The following CNTNAP5 variants were observed in gnomAD, a reference collection of about 807,000 sequenced individuals.
CNTNAP5 encodes the protein contactin associated protein family member 5.
Under a neutral mutation model 150.2 loss-of-function variants are expected in CNTNAP5, and 72 were observed. The observed-to-expected ratio is 0.48, with a 90% CI of 0.40 to 0.58. The LOEUF (loss-of-function observed/expected upper bound fraction) is 0.58. Ranked by LOEUF, CNTNAP5 falls within the 20% of genes least tolerant of loss-of-function variation. CNTNAP5 has a pLI of 0.00. For missense variants in CNTNAP5, 1,636 were observed against 1,626.2 expected, an observed-to-expected ratio of 1.01 and a Z score of -0.10; for synonymous variants, 672 against 619.8, an observed-to-expected ratio of 1.08 and a Z score of -1.25.
At chr2:124,431,451 A>G (rs1296725317) in intron 4 of CNTNAP5, among the ~76,000 whole-genome samples, 1 of 150,502 alleles carries the variant, frequency 6.6e-6, no homozygotes, top group Non-Finnish European at 1.5e-5. Flanking sequence ...AACATAATGA[A>G]TATTTATATT....
chr2:124,425,644 CATTTCATTAT>C (rs374717275), intron 4 of CNTNAP5, among the ~76,000 whole-genome samples: 28,518 of 152,024 alleles, frequency 0.19, 2,980 homozygotes, highest in East Asian at 0.5. Flanking sequence ...AGTTCTATTC[CATTTCATTAT>C]TTATAGCTCC....
chr2:124,747,532 T>G (rs928280687), intron 14 of CNTNAP5, 147 bp downstream of exon 14: 19 of 889,376 alleles, frequency 2.1e-5, no homozygotes, highest in Non-Finnish European at 3.4e-5. Context: ...ACCTTAAAAA[T>G]GGTAAATTCT....
chr2:124,317,050 T>G (rs961184149), intron 3 of CNTNAP5, among the ~76,000 whole-genome samples: 1 of 152,076 alleles, frequency 6.6e-6, no homozygotes, highest in Non-Finnish European at 1.5e-5. Context: ...GTGGGTGCTA[T>G]GCAGCAACAT....
intron 12 of CNTNAP5, among the ~76,000 whole-genome samples, chr2:124,629,229 C>T (rs943804504): frequency 3.0e-4 from 46 of 152,276 alleles, no homozygotes; most frequent in African/African-American, 1.1e-3. Context: ...ATCTACAGAA[C>T]TCTCTACCCC....
intron 3 of CNTNAP5, among the ~76,000 whole-genome samples, chr2:124,331,494 T>C (rs1005304402): frequency 2.0e-5 from 3 of 152,024 alleles, no homozygotes; most frequent in Non-Finnish European, 1.5e-5. Context: ...AATTGGTTTG[T>C]TATCTCTGTT....
intron 19 of CNTNAP5, among the ~76,000 whole-genome samples, chr2:124,838,090 A>G (rs557384683): frequency 2.0e-5 from 3 of 152,154 alleles, no homozygotes; most frequent in African/African-American, 7.2e-5. Flanking sequence ...TCTTTGTAGA[A>G]TGTCTGCAAA....
intron 8 of CNTNAP5, among the ~76,000 whole-genome samples, chr2:124,510,518 T>TATATATATAC (rs10641959): frequency 8.0e-6 from 1 of 124,916 alleles, no homozygotes; most frequent in Non-Finnish European, 1.6e-5. Flanking sequence ...TATATATATA[T>TATATATATAC]ACATATATCT....
chr2:124,706,754 A>G (rs867682275), intron 13 of CNTNAP5, among the ~76,000 whole-genome samples: 68 of 23,522 alleles, frequency 2.9e-3, no homozygotes, highest in African/African-American at 0.012. Context: ...TTCAAGAAGA[A>G]GAAGAAGAAG....
chr2:124,356,554 G>A (rs555373383), intron 3 of CNTNAP5, among the ~76,000 whole-genome samples: 16 of 149,076 alleles, frequency 1.1e-4, no homozygotes, highest in East Asian at 6.0e-4. Flanking sequence ...GAGAATATGC[G>A]GTGTTTGGTT....
At chr2:124,086,824 A>G (rs1376067909) in intron 1 of CNTNAP5, among the ~76,000 whole-genome samples, 1 of 151,550 alleles carries the variant, frequency 6.6e-6, no homozygotes, top group Non-Finnish European at 1.5e-5. Context: ...ATTTTAATAT[A>G]TTAGAATTTA....
chr2:124,244,500 G>A (rs1573863085), intron 3 of CNTNAP5, among the ~76,000 whole-genome samples: 1 of 152,222 alleles, frequency 6.6e-6, no homozygotes, highest in Admixed American at 6.5e-5. Context: ...AGAAGGAAAG[G>A]CAGGGCCCTC....
intron 3 of CNTNAP5, among the ~76,000 whole-genome samples, chr2:124,410,790 A>C (rs1357941393): frequency 0.013 from 1,980 of 150,838 alleles, 36 homozygotes; most frequent in African/African-American, 0.045. Flanking sequence ...AAGATCCAAA[A>C]TTGACACCCT....
At chr2:124,598,838 G>A (rs1287566011) in intron 11 of CNTNAP5, among the ~76,000 whole-genome samples, 2 of 152,150 alleles carry the variant, frequency 1.3e-5, no homozygotes, top group African/African-American at 4.8e-5. Context: ...GTGGGATATA[G>A]TCTTGTGGTG....
chr2:124,325,250 C>G (rs528925941), intron 3 of CNTNAP5, among the ~76,000 whole-genome samples: 2 of 152,276 alleles, frequency 1.3e-5, no homozygotes, highest in South Asian at 4.1e-4. Flanking sequence ...CACTAGATAT[C>G]AAACCTGCTG....
At chr2:124,215,730 AAAAG>A (rs1213513955) in intron 1 of CNTNAP5, among the ~76,000 whole-genome samples, 8 of 150,786 alleles carry the variant, frequency 5.3e-5, no homozygotes, top group African/African-American at 2.0e-4. Context: ...AAAAAAAAAA[AAAAG>A]AAGAGAAATT....
intron 1 of CNTNAP5, among the ~76,000 whole-genome samples, chr2:124,123,036 G>A (rs1484411669): frequency 6.6e-6 from 1 of 152,010 alleles, no homozygotes; most frequent in East Asian, 1.9e-4. Context: ...ATTTCCAACT[G>A]AGGTACCGGG....
chr2:124,078,491 A>G (rs1404328202), intron 1 of CNTNAP5, among the ~76,000 whole-genome samples: 1 of 152,180 alleles, frequency 6.6e-6, no homozygotes, highest in Non-Finnish European at 1.5e-5. Flanking sequence ...TGCATATACT[A>G]GTGGTATGAT....
At chr2:124,786,082 TAAAC>T (rs1301008139) in intron 17 of CNTNAP5, among the ~76,000 whole-genome samples, 1 of 151,724 alleles carries the variant, frequency 6.6e-6, no homozygotes, top group African/African-American at 2.4e-5. Flanking sequence ...TAAAATTAAA[TAAAC>T]AAATAATAAA....
At chr2:124,408,375 G>C (rs1573973185) in intron 3 of CNTNAP5, among the ~76,000 whole-genome samples, 1 of 152,210 alleles carries the variant, frequency 6.6e-6, no homozygotes, top group Admixed American at 6.5e-5. Flanking sequence ...ACTGGGTGGA[G>C]CCCACCACAG....
Sources: gnomAD v4.1 joint callset for allele counts (sites outside exome capture counted in the v4.1 genomes callset) on GRCh38, gnomAD v4.1.1 for gene constraint, MANE v1.5 for transcripts, NCBI Gene and HGNC (gene_info 2026-07-23, HGNC 2026-07-21) for gene names.